The following NELFA variants were observed in gnomAD, a reference collection of about 807,000 sequenced individuals.
The protein encoded by NELFA is negative elongation factor A.
Under a neutral mutation model 51.8 loss-of-function variants are expected in NELFA, and 35 were observed. That is an observed-to-expected ratio of 0.68 (90% confidence interval 0.52 to 0.90). The LOEUF is 0.90. Ranked by LOEUF, NELFA falls within the 40% of genes least tolerant of loss-of-function variation. NELFA has a pLI of 0.00. For missense variants in NELFA, 658 were observed against 746.4 expected (o/e 0.88, Z 1.38); for synonymous variants, 417 against 338.4 (o/e 1.23, Z -2.55).
At chr4:1,994,170 C>A (rs987133195) in intron 1 of NELFA, among the ~76,000 whole-genome samples, 1 of 151,876 alleles carries the variant, frequency 6.6e-6, no homozygotes, top group African/African-American at 2.4e-5. Context: ...GAGGCTGAGG[C>A]AGGAGGATCA....
chr4:1,985,615 A>G (rs187069065), intron 7 of NELFA, among the ~76,000 whole-genome samples, 161 bp downstream of exon 7: 271 of 152,300 alleles, frequency 1.8e-3, no homozygotes, highest in African/African-American at 6.2e-3. Context: ...CACGGCCCAC[A>G]CTGCCTCTCA....
intron 1 of NELFA, chr4:1,992,591 C>G (rs1243959981): frequency 4.3e-6 from 1 of 231,898 alleles, no homozygotes; most frequent in East Asian, 1.9e-4. Context: ...CCTGTCCAGA[C>G]GCCGGGGCTG....
chr4:1,987,719 C>T (rs1728148816), intron 4 of NELFA, 199 bp downstream of exon 4: 1 of 570,360 alleles, frequency 1.8e-6, no homozygotes, highest in Admixed American at 3.3e-5. Context: ...TCTCCGTGCC[C>T]ACACATCCTC....
rs916441943 is a variant in NELFA at position 1,986,016 on chromosome 4, G to A, written c.835+98C>T. ...CACCCACGGAGAGCAGCCTCACGGG[G>A]CACAGCCCTGCCCGCCGAGCGTGGG... is the stretch of plus-strand genomic sequence containing the variant. On this transcript the variant is annotated intron_variant, in intron 6 of 10. Coordinates refer to ENST00000382882, the MANE Select transcript of NELFA (RefSeq NM_005663.5). 1.3e-5 allele frequency: 19 copies of A among 1,423,772 alleles called. No individual in the cohort carries two copies. In the African/African-American group the frequency reaches 2.4e-4, roughly 18 times the overall value. The allele number at this position is 1,423,772 out of a possible 1,614,324, so 88.2% of individuals were successfully genotyped here.
At chr4:1,993,693 A>C (rs868491339) in intron 1 of NELFA, among the ~76,000 whole-genome samples, 16 of 151,944 alleles carry the variant, frequency 1.1e-4, no homozygotes, top group African/African-American at 3.9e-4. Flanking sequence ...GGAATCCAAG[A>C]TCAATTAAGG....
intron 1 of NELFA, among the ~76,000 whole-genome samples, chr4:2,001,673 C>A (rs952136790): frequency 6.6e-6 from 1 of 152,308 alleles, no homozygotes. Context: ...GAGGCTGAGG[C>A]AGGCAGATTA....
chr4:2,000,911 C>T (rs1728552141), intron 1 of NELFA, among the ~76,000 whole-genome samples: 1 of 152,204 alleles, frequency 6.6e-6, no homozygotes, highest in Non-Finnish European at 1.5e-5. Context: ...TACTGGCAAA[C>T]CGAATCCAGC....
chr4:1,986,463 A>C (rs2109055606), intron 4 of NELFA, 61 bp from the exon 5 acceptor site: 2 of 1,601,948 alleles, frequency 1.2e-6, no homozygotes, highest in Middle Eastern at 1.7e-4. Context: ...CCCCACCCCG[A>C]GCTCAGAACG....
chr4:1,996,878 G>C (rs989815621), intron 1 of NELFA, among the ~76,000 whole-genome samples: 2 of 152,188 alleles, frequency 1.3e-5, no homozygotes, highest in African/African-American at 4.8e-5. Flanking sequence ...GTTGCAGTGA[G>C]CCAAGATTGC....
At chr4:2,008,727 G>A (rs999177828) in intron 1 of NELFA, 23 bp downstream of exon 1, 3 of 1,585,948 alleles carry the variant, frequency 1.9e-6, no homozygotes, top group Admixed American at 3.6e-5. Context: ...TCTGGGGGCC[G>A]CGGGGCGCCA....
chr4:2,002,598 T>C (rs918338077), intron 1 of NELFA, among the ~76,000 whole-genome samples: 4 of 152,178 alleles, frequency 2.6e-5, no homozygotes, highest in Non-Finnish European at 5.9e-5. Flanking sequence ...CAGCATCTGA[T>C]CTTTGACAAA....
At chr4:1,998,176 C>T (rs758546657) in intron 1 of NELFA, among the ~76,000 whole-genome samples, 5 of 152,056 alleles carry the variant, frequency 3.3e-5, no homozygotes, top group East Asian at 1.9e-4. Context: ...GACAAACTCA[C>T]GAAGATGAGA....
rs1171132041 is a variant in NELFA, at chr4:1,998,857, A to C, written c.211-7142T>G. Among the ~76,000 whole-genome samples the C allele has an allele frequency of 2.0e-5, 3 of 152,310 alleles. No homozygotes were observed. The East Asian group carries it at 5.8e-4, about 29-fold the overall frequency. ...AGACACATAATCATCAAATTCTCCA[A>C]GGTCGAAATGAAGGAAAAACTGTTC... is the stretch of plus-strand genomic sequence containing the variant. On this transcript the variant is annotated intron_variant, in intron 1 of 10. Coordinates refer to ENST00000382882, the MANE Select transcript of NELFA (RefSeq NM_005663.5).
Position 1,989,223 on chromosome 4 carries a change from G to A in NELFA, c.544+485C>T, listed in dbSNP as rs976781545. ...AGCCTCCCAAAGTGCTGGGTTTACA[G>A]GTGTGAGCCACCATGCCCAGCCTAA... On this transcript the variant is annotated intron_variant, in intron 3 of 10. Transcript: ENST00000382882. The surrounding 1 kb of genome is among the most constrained non-coding windows in gnomAD (Gnocchi z 4.8). 6.6e-6 allele frequency among the ~76,000 whole-genome samples: 1 copy of A among 152,200 alleles called. No individual in the cohort carries two copies. The highest frequency in any genetic ancestry group is 1.5e-5 in the Non-Finnish European group (1 of 68,030).
chr4:1,985,644 T>C, intron 7 of NELFA, 132 bp downstream of exon 7: 1 of 678,136 alleles, frequency 1.5e-6, no homozygotes, highest in South Asian at 1.9e-5. Flanking sequence ...TACGTATATA[T>C]ACATAAATAC....
chr4:2,008,709 G>C, intron 1 of NELFA, 41 bp downstream of exon 1: 1 of 1,570,764 alleles, frequency 6.4e-7, no homozygotes, highest in Non-Finnish European at 8.6e-7. Flanking sequence ...AGGTGGGAAG[G>C]TTGGGAATCT....
At chr4:1,997,725 G>A (rs1240215727) in intron 1 of NELFA, among the ~76,000 whole-genome samples, 1 of 152,082 alleles carries the variant, frequency 6.6e-6, no homozygotes, top group Admixed American at 6.6e-5. Context: ...GAATAACCTG[G>A]GCAGCCCAGA....
At chr4:1,993,587 A>G (rs1242829611) in intron 1 of NELFA, among the ~76,000 whole-genome samples, 1 of 151,718 alleles carries the variant, frequency 6.6e-6, no homozygotes, top group Non-Finnish European at 1.5e-5. Context: ...TCAAAAAAAA[A>G]AAAGAAAGAA....
At chr4:1,992,217 G>A (rs984667733) in intron 1 of NELFA, 11 of 231,034 alleles carry the variant, frequency 4.8e-5, no homozygotes, top group African/African-American at 2.6e-4. Context: ...CAGCACCCGT[G>A]ACAGCTGAGC....
Sources: allele counts gnomAD v4.1 joint callset (sites outside exome capture counted in the v4.1 genomes callset), GRCh38; gene constraint gnomAD v4.1.1; non-coding constraint Gnocchi (gnomAD v3.1); transcripts MANE v1.5; gene names NCBI Gene and HGNC (gene_info 2026-07-23, HGNC 2026-07-21).